Variants in DIP2A observed in about 807,000 individuals in gnomAD.
The protein encoded by DIP2A is disco-interacting protein 2 homolog A.
DIP2A carries 85 observed loss-of-function variants against 177.4 expected under a neutral mutation model. The ratio of observed to expected loss-of-function variants is 0.48; its 90% CI spans 0.40 to 0.57. The LOEUF (loss-of-function observed/expected upper bound fraction) is 0.57. Ranked by LOEUF, DIP2A falls within the 20% of genes least tolerant of loss-of-function variation. DIP2A has a pLI of 0.00. For synonymous variants in DIP2A, 886 were observed against 881.8 expected, an observed-to-expected ratio of 1.00 and a Z score of -0.08; for missense variants, 1,791 against 2,100.2, an observed-to-expected ratio of 0.85 and a Z score of 2.88.
At position 46,532,212 on chromosome 21, in the gene DIP2A, C is replaced by T; in HGVS notation, c.1280C>T (p.Pro427Leu). ...CTCCTGGCAGAGCTGGTTCCTGTCC[C>T]CATAGAAGTGCCATTAACAAGAAAG... ...GCLLAELVPVPIEVPLTRKDA... is the reference protein window; with the variant it reads ...GCLLAELVPVLIEVPLTRKDA... The change falls in exon 10 of 38, where the codon CCC becomes CTC. Residue 427 changes from proline to leucine, a missense_variant. By Grantham distance (98) the Pro-to-Leu change is moderately conservative. Transcript: ENST00000417564. 4 of 1,613,836 alleles carry T rather than the reference C, an allele frequency of 2.5e-6. No individual in the cohort carries two copies. The highest frequency in any genetic ancestry group is 1.7e-6 in the Non-Finnish European group (2 of 1,179,824).
chr21:46,514,353 A>C (rs994605891), intron 8 of DIP2A, among the ~76,000 whole-genome samples: 1 of 151,642 alleles, frequency 6.6e-6, no homozygotes, highest in African/African-American at 2.4e-5. Flanking sequence ...GGAGAACGGC[A>C]TGAACCCAGG....
intron 1 of DIP2A, among the ~76,000 whole-genome samples, chr21:46,483,203 T>C (rs1384632334): frequency 6.6e-6 from 1 of 152,152 alleles, no homozygotes; most frequent in Admixed American, 6.5e-5. Context: ...ATGATGCCAT[T>C]CGGGTCAATT....
intron 34 of DIP2A, 82 bp downstream of exon 34, chr21:46,561,887 G>A: frequency 6.3e-7 from 1 of 1,577,032 alleles, no homozygotes; most frequent in Non-Finnish European, 8.6e-7. Context: ...GGTGCTGGGG[G>A]CTGCGGCTCT....
intron 5 of DIP2A, among the ~76,000 whole-genome samples, chr21:46,500,192 C>T (rs1016717153): frequency 2.0e-5 from 3 of 152,188 alleles, no homozygotes; most frequent in Non-Finnish European, 2.9e-5. Context: ...TCTTCTGAGG[C>T]GTCCGTCTCA....
intron 21 of DIP2A, among the ~76,000 whole-genome samples, chr21:46,549,017 G>A (rs1402587544): frequency 2.6e-5 from 4 of 152,184 alleles, no homozygotes; most frequent in Admixed American, 6.5e-5. Context: ...ACAGAGGTCC[G>A]TACTGAAAAC....
intron 17 of DIP2A, 88 bp downstream of exon 17, chr21:46,540,079 T>TGCC (rs200219111): frequency 2.5e-6 from 3 of 1,185,376 alleles, no homozygotes; most frequent in Non-Finnish European, 3.7e-6. Flanking sequence ...CCTGTGCCTG[T>TGCC]TAGGATCCAG....
Position 46,556,774 on chromosome 21 carries a change from A to AC in DIP2A, c.3499-165_3499-164insC. ...GTGTACCATTTCTTGGGTATTATTT[A>AC]GGTTATATGGGGATTTGAGCCAACC... On this transcript the variant is annotated intron_variant, in intron 29 of 37. Coordinates refer to ENST00000417564, the MANE Select transcript of DIP2A (RefSeq NM_015151.4). The surrounding 1 kb of genome is among the most constrained non-coding windows in gnomAD (Gnocchi z 4.5). 3.4e-6 allele frequency: 2 copies of AC among 588,708 alleles called. 1 individual carries two copies. Among genetic ancestry groups the AC allele is most frequent in the Non-Finnish European group, 5.7e-6 (2 of 349,556 alleles). 36.5% of individuals were successfully genotyped at this position (588,708 alleles called of 1,614,324 possible).
chr21:46,516,419 T>C (rs1420255437), intron 8 of DIP2A, among the ~76,000 whole-genome samples: 2 of 151,568 alleles, frequency 1.3e-5, no homozygotes, highest in African/African-American at 4.8e-5. Context: ...TTCTTTCTTA[T>C]ATATACTTCA....
intron 1 of DIP2A, among the ~76,000 whole-genome samples, chr21:46,480,974 T>C (rs1431985420): frequency 6.6e-6 from 1 of 152,188 alleles, no homozygotes; most frequent in Non-Finnish European, 1.5e-5. Context: ...TCCGGAAAGC[T>C]GATTTGCTTG....
intron 5 of DIP2A, among the ~76,000 whole-genome samples, chr21:46,503,641 CTTT>C (rs1235499299): frequency 0.023 from 2,707 of 117,162 alleles, 38 homozygotes; most frequent in African/African-American, 0.044. Flanking sequence ...TCTTTCCTTT[CTTT>C]CTTTCTTTTT....
At chr21:46,476,504 G>A (rs182966944) in intron 1 of DIP2A, among the ~76,000 whole-genome samples, 20 of 152,220 alleles carry the variant, frequency 1.3e-4, no homozygotes, top group African/African-American at 4.3e-4. Flanking sequence ...ATGGGGAAGA[G>A]CTCAGGAAAA....
chr21:46,477,280 C>T (rs1177705530), intron 1 of DIP2A, among the ~76,000 whole-genome samples: 1 of 151,886 alleles, frequency 6.6e-6, no homozygotes, highest in Non-Finnish European at 1.5e-5. Flanking sequence ...CGTGGTGGCT[C>T]ACGTCTGTAA....
At chr21:46,565,952 T>G in intron 36 of DIP2A, 65 bp downstream of exon 36, 1 of 1,574,350 alleles carries the variant, frequency 6.4e-7, no homozygotes, top group Non-Finnish European at 8.7e-7. Context: ...CCCCAAGAGC[T>G]TAGTCACCTG....
chr21:46,494,271 G>A (rs2057183079), intron 3 of DIP2A, among the ~76,000 whole-genome samples: 1 of 152,212 alleles, frequency 6.6e-6, no homozygotes, highest in South Asian at 2.1e-4. Flanking sequence ...TAGTTTGTAG[G>A]AGAAGCTGAG....
In DIP2A at chr21:46,498,778, G is replaced by A. The variant is rs775615076; in HGVS notation, c.600G>A (p.Thr200=). The part of the protein sequence containing the change: ...RPTTAPSAAA[T]PGAAATTALA... ...CCACTGCTCCCAGTGCTGCAGCCACGCCGGGGGCCGCCGCTACCACTGCAC... is the reference window on the plus strand; with the variant it reads ...CCACTGCTCCCAGTGCTGCAGCCACACCGGGGGCCGCCGCTACCACTGCAC... The change falls in exon 5 of 38, where the codon ACG becomes ACA. Residue 200 remains threonine (T), a synonymous_variant. Transcript: ENST00000417564. The surrounding 1 kb of genome is among the most constrained non-coding windows in gnomAD (Gnocchi z 4.3). 1.2e-5 allele frequency: 19 copies of A among 1,611,478 alleles called. No homozygotes were observed. Among genetic ancestry groups the A allele is most frequent in the South Asian group, 6.6e-5 (6 of 91,066 alleles).
chr21:46,501,811 A>G (rs968048892), intron 5 of DIP2A, among the ~76,000 whole-genome samples: 1 of 152,222 alleles, frequency 6.6e-6, no homozygotes, highest in Non-Finnish European at 1.5e-5. Context: ...AAAATCATTT[A>G]TTCTTTTTGC....
rs374461532 is a variant in DIP2A at position 46,486,361 on chromosome 21, C to T, written c.163+1533C>T. Among the ~76,000 whole-genome samples, 16 of 152,218 alleles carry T rather than the reference C, an allele frequency of 1.1e-4. No individual in the cohort carries two copies. In the East Asian group the frequency reaches 2.7e-3, roughly 26 times the overall value. ...ATGGGATTACAGGTGTGCACCACCA[C>T]GCCCAGCTTACTGATTGAGATGGGG... On this transcript the variant is annotated intron_variant, in intron 2 of 37. Transcript: ENST00000417564.
chr21:46,528,568 T>TTTTTTTTTTTTTTTTA lies in DIP2A; in HGVS notation c.1103-524_1103-523insTTTTTTTTTTTTTTTA, dbSNP rs1569043246. Among the ~76,000 whole-genome samples the TTTTTTTTTTTTTTTTA allele has an allele frequency of 7.7e-5, 7 of 90,636 alleles. 1 individual carries two copies. The highest frequency in any genetic ancestry group is 7.0e-5 in the Non-Finnish European group (3 of 42,832). The allele number at this position is 90,636 out of a possible 152,430, so 59.5% of individuals were successfully genotyped here. ...TTTTTTTTTTTTTTTTTTTTTTTTT[T>TTTTTTTTTTTTTTTTA]AGATAATGTCTTTATTGCCCAGGCT... On this transcript the variant is annotated intron_variant, in intron 8 of 37. Transcript: ENST00000417564.
chr21:46,503,632 CTTTCCTTTCTTTCTTTCTTTTT>C (rs1568987377), intron 5 of DIP2A, among the ~76,000 whole-genome samples: 2 of 130,844 alleles, frequency 1.5e-5, no homozygotes, highest in African/African-American at 6.1e-5. Flanking sequence ...TTCTTTCTTT[CTTTCCTTTCTTTCTTTCTTTTT>C]CTTTCTTTCT....
Sources: allele counts gnomAD v4.1 joint callset (sites outside exome capture counted in the v4.1 genomes callset), GRCh38; gene constraint gnomAD v4.1.1; non-coding constraint Gnocchi (gnomAD v3.1); transcripts MANE v1.5; gene names NCBI Gene and HGNC (gene_info 2026-07-23, HGNC 2026-07-21).